ZNF804B: variants seen among roughly 807,000 people sequenced by gnomAD.
The protein encoded by ZNF804B is zinc finger 804B.
A neutral mutation model predicts 101.4 loss-of-function variants in ZNF804B; 80 were observed. The observed-to-expected ratio is 0.79, with a 90% CI of 0.66 to 0.95. The LOEUF (loss-of-function observed/expected upper bound fraction) is 0.95. ZNF804B is among the 40% of genes least tolerant of loss of function. The probability of loss-of-function intolerance (pLI) is 0.00; values close to 1 mark genes in which losing one functional copy is unlikely to be tolerated. For synonymous variants in ZNF804B, 622 were observed against 558.8 expected, an observed-to-expected ratio of 1.11 and a Z score of -1.59; for missense variants, 1,673 against 1,561.9, an observed-to-expected ratio of 1.07 and a Z score of -1.20.
At chr7:88,951,232 T>A (rs1298858235) in intron 1 of ZNF804B, among the ~76,000 whole-genome samples, 1 of 151,882 alleles carries the variant, frequency 6.6e-6, no homozygotes, top group Non-Finnish European at 1.5e-5. Flanking sequence ...TATTCCACAT[T>A]TAATGCTTTC....
At position 89,015,073 on chromosome 7, in the gene ZNF804B, A is replaced by T. The variant is rs1369963579; in HGVS notation, c.109-203082A>T. Among the ~76,000 whole-genome samples the T allele has an allele frequency of 4.6e-5, 7 of 152,278 alleles. No individual in the cohort carries two copies. In the East Asian group the frequency reaches 1.4e-3, roughly 29 times the overall value. On this transcript the variant is annotated intron_variant, in intron 1 of 3. Transcript: ENST00000333190. ...TGCTTTCATTCTTCTGCATATAGAT[A>T]TCAAGTGTTCCCAGAACAACTTAAG... is the stretch of plus-strand genomic sequence containing the variant.
At chr7:89,106,120 T>C (rs368863822) in intron 1 of ZNF804B, among the ~76,000 whole-genome samples, 4 of 152,174 alleles carry the variant, frequency 2.6e-5, no homozygotes, top group African/African-American at 7.2e-5. Context: ...ATGGCAGAGA[T>C]GGTGTCAGTA....
At chr7:88,827,541 C>T (rs73705544) in intron 1 of ZNF804B, among the ~76,000 whole-genome samples, 2,159 of 151,702 alleles carry the variant, frequency 0.014, 49 homozygotes, top group African/African-American at 0.048. Context: ...GTCTGGGTTC[C>T]GGGGTTATGT....
At chr7:89,130,643 C>G (rs190904844) in intron 1 of ZNF804B, among the ~76,000 whole-genome samples, 1 of 151,932 alleles carries the variant, frequency 6.6e-6, no homozygotes, top group African/African-American at 2.4e-5. Flanking sequence ...TACAGCATTA[C>G]GAGACTGGGA....
chr7:89,279,319 T>G (rs1790041953), intron 2 of ZNF804B, among the ~76,000 whole-genome samples: 1 of 151,834 alleles, frequency 6.6e-6, no homozygotes, highest in South Asian at 2.1e-4. Flanking sequence ...TGACTTCCTC[T>G]TTTCCTAATT....
chr7:88,794,066 G>C, intron 1 of ZNF804B: 1 of 744,856 alleles, frequency 1.3e-6, no homozygotes, highest in Non-Finnish European at 2.1e-6. Flanking sequence ...TATTACCTCT[G>C]TGTATATTGC....
intron 2 of ZNF804B, among the ~76,000 whole-genome samples, chr7:89,239,402 A>C (rs1171560931): frequency 6.6e-6 from 1 of 152,136 alleles, no homozygotes; most frequent in Non-Finnish European, 1.5e-5. Flanking sequence ...AGTCGCTCTT[A>C]AATCTTCATT....
chr7:89,271,361 G>A (rs947686696), intron 2 of ZNF804B, among the ~76,000 whole-genome samples: 38 of 152,144 alleles, frequency 2.5e-4, no homozygotes, highest in African/African-American at 8.2e-4. Context: ...TTATATGCTG[G>A]ATTACGTTTA....
chr7:88,889,810 G>A (rs1185776042), intron 1 of ZNF804B, among the ~76,000 whole-genome samples: 1 of 151,792 alleles, frequency 6.6e-6, no homozygotes, highest in Non-Finnish European at 1.5e-5. Flanking sequence ...TTTTATTTTT[G>A]TTGCAATTCC....
intron 2 of ZNF804B, among the ~76,000 whole-genome samples, chr7:89,264,955 A>G (rs1351554232): frequency 6.6e-6 from 1 of 152,218 alleles, no homozygotes; most frequent in Non-Finnish European, 1.5e-5. Flanking sequence ...GTTATTATCT[A>G]GAAGTCCTTT....
chr7:89,139,391 C>A (rs950635281), intron 1 of ZNF804B, among the ~76,000 whole-genome samples: 1 of 152,014 alleles, frequency 6.6e-6, no homozygotes, highest in Non-Finnish European at 1.5e-5. Flanking sequence ...CAATGATGAT[C>A]TTTGTCACAT....
At chr7:89,211,646 ATGGT>A (rs1788806158) in intron 1 of ZNF804B, among the ~76,000 whole-genome samples, 1 of 152,018 alleles carries the variant, frequency 6.6e-6, no homozygotes, top group African/African-American at 2.4e-5. Context: ...TGAAGATCAG[ATGGT>A]TGTAGATTTG....
intron 1 of ZNF804B, among the ~76,000 whole-genome samples, chr7:88,779,542 T>C (rs1790193072): frequency 6.6e-6 from 1 of 152,296 alleles, no homozygotes; most frequent in Non-Finnish European, 1.5e-5. Flanking sequence ...AGACATACGG[T>C]GCTAAAGTCA....
chr7:88,853,543 C>A (rs1295133031), intron 1 of ZNF804B, among the ~76,000 whole-genome samples: 1 of 152,084 alleles, frequency 6.6e-6, no homozygotes, highest in African/African-American at 2.4e-5. Context: ...TTTTCACATT[C>A]TATTCCAAGA....
At chr7:88,854,527 T>TTTCCTTCCCTTCCCTTCCTTCCTTCC (rs1791520224) in intron 1 of ZNF804B, among the ~76,000 whole-genome samples, 1 of 40,076 alleles carries the variant, frequency 2.5e-5, no homozygotes, top group Non-Finnish European at 4.6e-5. Flanking sequence ...CTTTCCTTCC[T>TTTCCTTCCCTTCCCTTCCTTCCTTCC]TTCCTTCCTT....
chr7:89,334,027 T>C lies in ZNF804B; in HGVS notation c.1045T>C (p.Leu349=), dbSNP rs771591083. The change falls in exon 4 of 4, where the codon TTG becomes CTG. Residue 349 remains leucine, a synonymous_variant. Transcript: ENST00000333190. ...CAGAGAAAAAGAAACTAGAAATACA[T>C]TGAAGAACACTTTAGAAAATTGTGT... ...TSREKETRNT[L]KNTLENCVNH... is the part of the protein sequence containing the mutation. The C allele has an allele frequency of 1.2e-6, 2 of 1,613,442 alleles. No individual in the cohort carries two copies. Among genetic ancestry groups the C allele is most frequent in the Non-Finnish European group, 8.5e-7 (1 of 1,179,728 alleles).
intron 2 of ZNF804B, among the ~76,000 whole-genome samples, chr7:89,256,845 C>G (rs1288009705): frequency 6.6e-6 from 1 of 152,114 alleles, no homozygotes; most frequent in East Asian, 1.9e-4. Flanking sequence ...CAACAGAGGC[C>G]TTTATGGCAC....
At chr7:88,942,586 C>G (rs1430699019) in intron 1 of ZNF804B, among the ~76,000 whole-genome samples, 1 of 144,642 alleles carries the variant, frequency 6.9e-6, no homozygotes, top group Non-Finnish European at 1.5e-5. Flanking sequence ...ATCTTTTAAG[C>G]TTGAAAAAAA....
chr7:88,801,614 T>C (rs1418238862), intron 1 of ZNF804B, among the ~76,000 whole-genome samples: 2 of 152,082 alleles, frequency 1.3e-5, no homozygotes, highest in Non-Finnish European at 1.5e-5. Flanking sequence ...AAAAATCTAC[T>C]CTTTGACTAA....
Sources: gnomAD v4.1 joint callset for allele counts (sites outside exome capture counted in the v4.1 genomes callset) on GRCh38, gnomAD v4.1.1 for gene constraint, MANE v1.5 for transcripts, NCBI Gene and HGNC (gene_info 2026-07-23, HGNC 2026-07-21) for gene names.